The following CHEK2 variants were observed in gnomAD, a reference collection of about 807,000 sequenced individuals.
The protein encoded by CHEK2 is serine/threonine-protein kinase Chk2.
A neutral mutation model predicts 69.1 loss-of-function variants in CHEK2; 71 were observed. The ratio of observed to expected loss-of-function variants is 1.03; its 90% CI spans 0.85 to 1.25. The LOEUF (loss-of-function observed/expected upper bound fraction) is 1.25. Among genes scored for constraint, CHEK2 ranks in the 50% most tolerant of loss-of-function variants. The probability of loss-of-function intolerance (pLI) is 0.00; values close to 1 mark genes in which losing one functional copy is unlikely to be tolerated. For missense variants in CHEK2, 664 were observed against 649.6 expected, an observed-to-expected ratio of 1.02 and a Z score of -0.24; for synonymous variants, 189 against 226.9, an observed-to-expected ratio of 0.83 and a Z score of 1.50.
intron 8 of CHEK2, among the ~76,000 whole-genome samples, chr22:28,703,178 T>G (rs1226025124): frequency 6.6e-6 from 1 of 152,150 alleles, no homozygotes; most frequent in African/African-American, 2.4e-5. Flanking sequence ...TGGGGGTTCA[T>G]TATAATCCCC....
rs754339938 is a variant in CHEK2 at position 28,689,197 on chromosome 22, T to C, written c.1480A>G (p.Lys494Glu). 1 of 1,590,558 alleles carries C rather than the reference T, an allele frequency of 6.3e-7. No individual in the cohort carries two copies. Among genetic ancestry groups the C allele is most frequent in the Non-Finnish European group, 8.5e-7 (1 of 1,174,546 alleles). The stretch of plus-strand genomic sequence containing the variant: ...TCCTCAGACAGAAGATCTTGAAACT[T>C]TCTCTTCATGTCTTCATCCTGTGAG... ...PWLQDEDMKR[K>E]FQDLLSEENE... Residue 494 changes from lysine to glutamate, a missense_variant, in exon 14 of 15, where the codon AAG (lysine) becomes GAG (glutamate). By Grantham distance (56) the Lys-to-Glu change is moderately conservative. Transcript: ENST00000404276.
At chr22:28,723,459 G>C (rs1293542722) in intron 4 of CHEK2, among the ~76,000 whole-genome samples, 2 of 149,032 alleles carry the variant, frequency 1.3e-5, no homozygotes, top group Non-Finnish European at 3.0e-5. Context: ...TTAGGTGGGC[G>C]TGGTGGCGGG....
intron 4 of CHEK2, among the ~76,000 whole-genome samples, chr22:28,719,989 T>C (rs1240157357): frequency 2.0e-5 from 3 of 152,178 alleles, no homozygotes; most frequent in Admixed American, 6.6e-5. Context: ...AAGTATTTTA[T>C]AGTGCAAACC....
At chr22:28,741,832 T>A (rs1264820873), upstream of CHEK2, 5 of 564,474 alleles carry the variant, frequency 8.9e-6, no homozygotes, top group South Asian at 2.1e-5. Context: ...GCGCTAAACC[T>A]GCAGATACAA....
At position 28,734,729 on chromosome 22, in the gene CHEK2, T is replaced by A. The variant is rs1555932985; in HGVS notation, c.-6-2A>T. On this transcript the variant is annotated splice_acceptor_variant, in intron 1 of 14. Transcript: ENST00000404276. LOFTEE classifies it low-confidence loss of function (5UTR_SPLICE). ...ATCCGACTCCCGAGACATCACGACC[T>A]CAAAAAGAAAGTGTCCAACAACAAA... The A allele has an allele frequency of 6.2e-7, 1 of 1,606,676 alleles. No homozygotes were observed. The highest frequency in any genetic ancestry group is 8.5e-7 in the Non-Finnish European group (1 of 1,177,812).
At position 28,734,632 on chromosome 22, in the gene CHEK2, GC is replaced by G; in HGVS notation, c.89del (p.Gly30AlafsTer31). 6.2e-7 allele frequency: 1 copy of G among 1,613,990 alleles called. No homozygotes were observed. Among genetic ancestry groups the G allele is most frequent in the Non-Finnish European group, 8.5e-7 (1 of 1,180,018 alleles). On this transcript the variant is annotated frameshift_variant, in exon 2 of 15. Transcript: ENST00000404276. LOFTEE classifies it high-confidence loss of function. ...QPHGSVTQSQ[G>X]SSSQSQGISS... ...ATATGCCCTGGGACTGTGAGGAGGAGCCTTGGGACTGGGTAACGCTGCCATG... is the reference window on the plus strand; with the variant it reads ...ATATGCCCTGGGACTGTGAGGAGGAGCTTGGGACTGGGTAACGCTGCCATG...
At chr22:28,704,289 A>T (rs541185895) in intron 7 of CHEK2, among the ~76,000 whole-genome samples, 1 of 147,582 alleles carries the variant, frequency 6.8e-6, no homozygotes, top group Non-Finnish European at 1.5e-5. Flanking sequence ...TAGCACACCT[A>T]TTTTTTTTTT....
At chr22:28,735,299 G>A (rs1190678653) in intron 1 of CHEK2, among the ~76,000 whole-genome samples, 1 of 151,736 alleles carries the variant, frequency 6.6e-6, no homozygotes, top group Non-Finnish European at 1.5e-5. Context: ...TCAGCTACTC[G>A]GGAGGCTGAG....
chr22:28,691,120 A>G (rs143203625), intron 13 of CHEK2, among the ~76,000 whole-genome samples: 117 of 145,172 alleles, frequency 8.1e-4, no homozygotes, highest in South Asian at 6.4e-3. Flanking sequence ...TCAAAAGTCC[A>G]TCTCTTGGCA....
rs2054404292 is a variant in CHEK2, at chr22:28,736,364, C to A, written c.-6-1637G>T. Among the ~76,000 whole-genome samples the A allele has an allele frequency of 1.3e-5, 2 of 152,146 alleles. 1 individual carries two copies. The highest frequency in any genetic ancestry group is 2.9e-5 in the Non-Finnish European group (2 of 68,034). On this transcript the variant is annotated intron_variant, in intron 1 of 14. Coordinates refer to ENST00000404276, the MANE Select transcript of CHEK2 (RefSeq NM_007194.4). ...ATAAAATGTCACTGGTACCCCTTTTCCCCCAGGCTTGCTCCTAAAGTGAAA... is the reference window on the plus strand; with the variant it reads ...ATAAAATGTCACTGGTACCCCTTTTACCCCAGGCTTGCTCCTAAAGTGAAA...
At position 28,712,021 on chromosome 22, in the gene CHEK2, G is replaced by A. The variant is rs121908695; in HGVS notation, c.684-4C>T. 6.2e-7 allele frequency: 1 copy of A among 1,603,668 alleles called. No individual in the cohort carries two copies. Among genetic ancestry groups the A allele is most frequent in the Non-Finnish European group, 8.5e-7 (1 of 1,171,334 alleles). On this transcript the variant is annotated splice_region_variant and splice_polypyrimidine_tract_variant and intron_variant, in intron 5 of 14. Transcript: ENST00000404276. Reference sequence around the variant, plus strand: ...CTTTACCTCTCCACAGGCACCACTAGAGGGAAAAACAAAGATAGTGATTGT... The same window carrying A: ...CTTTACCTCTCCACAGGCACCACTAAAGGGAAAAACAAAGATAGTGATTGT...
At chr22:28,705,365 C>T (rs1436548847) in intron 7 of CHEK2, among the ~76,000 whole-genome samples, 1 of 152,052 alleles carries the variant, frequency 6.6e-6, no homozygotes, top group African/African-American at 2.4e-5. Context: ...GTGTGAGCCA[C>T]TGCACCCGGC....
Position 28,687,828 on chromosome 22 carries a change from C to A in CHEK2, c.*69G>T. ...AATTAAAATACAAACTATAAAAAAA[C>A]AGACTCAAAGAAAAGAAAGATGACA... On this transcript the variant is annotated 3_prime_UTR_variant, in exon 15 of 15. Transcript: ENST00000404276. 1 of 1,215,916 alleles carries A rather than the reference C, an allele frequency of 8.2e-7. No homozygotes were observed. 75.3% of individuals were successfully genotyped at this position (1,215,916 alleles called of 1,614,324 possible).
chr22:28,720,635 G>A (rs16986646), intron 4 of CHEK2, among the ~76,000 whole-genome samples: 1,896 of 152,250 alleles, frequency 0.012, 41 homozygotes, highest in East Asian at 0.079. Context: ...ATAACCTAAG[G>A]ATCCAGTCTC....
chr22:28,704,364 A>C (rs2053026396), intron 7 of CHEK2, among the ~76,000 whole-genome samples: 1 of 149,328 alleles, frequency 6.7e-6, no homozygotes, highest in Non-Finnish European at 1.5e-5. Flanking sequence ...ACAGAGTCTC[A>C]CTTTGTCGCT....
intron 2 of CHEK2, among the ~76,000 whole-genome samples, chr22:28,727,144 C>T (rs1381077495): frequency 8.5e-5 from 13 of 152,110 alleles, no homozygotes; most frequent in African/African-American, 2.7e-4. Flanking sequence ...CAGGTTCAAG[C>T]GATTCTCCTG....
chr22:28,734,468 G>C lies in CHEK2; in HGVS notation c.254C>G (p.Pro85Arg), dbSNP rs17883862. 46 of 1,613,588 alleles carry C rather than the reference G, an allele frequency of 2.9e-5. No individual in the cohort carries two copies. The highest frequency in any genetic ancestry group is 3.8e-5 in the Non-Finnish European group (45 of 1,179,764). ...PEDQEPEDQE[P>R]EEPTPAPWAR... ...CCAGGGGGCAGGGGTAGGCTCCTCA[G>C]GTTCTTGGTCCTCAGGTTCTTGGTC... The change falls in exon 2 of 15, where the codon CCT becomes CGT. Residue 85 changes from proline (P) to arginine (R), a missense_variant. Pro to Arg is a moderately radical substitution (Grantham distance 103). Coordinates refer to ENST00000404276, the MANE Select transcript of CHEK2 (RefSeq NM_007194.4).
chr22:28,708,174 C>A (rs1322871069), intron 7 of CHEK2, among the ~76,000 whole-genome samples: 1 of 151,976 alleles, frequency 6.6e-6, no homozygotes, highest in Non-Finnish European at 1.5e-5. Flanking sequence ...TCTGATGCAA[C>A]CCCACCCCAG....
chr22:28,724,893 A>T (rs1352797403), intron 4 of CHEK2, 84 bp downstream of exon 4: 1 of 1,422,664 alleles, frequency 7.0e-7, no homozygotes, highest in Non-Finnish European at 9.9e-7. Flanking sequence ...CACTTAAACC[A>T]TATTCTGTAA....
Sources: allele counts gnomAD v4.1 joint callset (sites outside exome capture counted in the v4.1 genomes callset), GRCh38; gene constraint gnomAD v4.1.1; transcripts MANE v1.5; gene names NCBI Gene and HGNC (gene_info 2026-07-23, HGNC 2026-07-21).